NFATC2: variants seen among roughly 807,000 people sequenced by gnomAD.
NFATC2 encodes nuclear factor of activated T cells 2.
Under a neutral mutation model 87.3 loss-of-function variants are expected in NFATC2, and 22 were observed. The observed-to-expected ratio is 0.25, with a 90% CI of 0.18 to 0.36. NFATC2 has a LOEUF of 0.36. NFATC2 is among the 10% of genes least tolerant of loss of function. NFATC2 has a pLI of 1.00. For synonymous variants in NFATC2, 565 were observed against 542.2 expected (o/e 1.04, Z -0.58); for missense variants, 1,149 against 1,259.1 (o/e 0.91, Z 1.32).
At chr20:51,555,351 T>C (rs1358394911) in intron 1 of NFATC2, among the ~76,000 whole-genome samples, 2 of 152,118 alleles carry the variant, frequency 1.3e-5, no homozygotes, top group African/African-American at 4.8e-5. Flanking sequence ...CCCAGCACTT[T>C]GGGAGGCCGA....
chr20:51,460,011 T>G (rs559072349), intron 5 of NFATC2, among the ~76,000 whole-genome samples: 1 of 152,340 alleles, frequency 6.6e-6, no homozygotes. Flanking sequence ...ATGGTAAATT[T>G]TATGTGTATT....
rs2146829139 is a variant in NFATC2 at position 51,550,417 on chromosome 20, C to T, written c.70+12143G>A. Among the ~76,000 whole-genome samples the T allele has an allele frequency of 1.3e-5, 2 of 152,034 alleles. 1 individual carries two copies. The highest frequency in any genetic ancestry group is 3.9e-4 in the East Asian group (2 of 5,150). ...ACCAGCCTGGCCAATGTGGTGAAAC[C>T]CCGTCTCTACTAAAAATACAAAAAA... On this transcript the variant is annotated intron_variant, in intron 1 of 10. Transcript: ENST00000414705.
chr20:51,477,081 T>A (rs963017375), intron 3 of NFATC2, among the ~76,000 whole-genome samples: 1 of 152,108 alleles, frequency 6.6e-6, no homozygotes, highest in Admixed American at 6.5e-5. Context: ...AGGAGACACG[T>A]ACAAAAATGT....
At chr20:51,551,125 ATAACTTATAC>A (rs2076929418) in intron 1 of NFATC2, among the ~76,000 whole-genome samples, 1 of 152,262 alleles carries the variant, frequency 6.6e-6, no homozygotes, top group South Asian at 2.1e-4. Context: ...GTGTTAATAT[ATAACTTATAC>A]ACAGATGCAT....
intron 7 of NFATC2, 122 bp from the exon 8 acceptor site, chr20:51,435,436 C>T (rs952357549): frequency 7.2e-6 from 10 of 1,392,620 alleles, no homozygotes; most frequent in Non-Finnish European, 9.8e-6. Context: ...CATCGGTTTA[C>T]AGGGGAAGTT....
intron 10 of NFATC2, 93 bp from the exon 11 acceptor site, chr20:51,391,544 T>C (rs2146195790): frequency 7.6e-7 from 1 of 1,309,562 alleles, no homozygotes; most frequent in Non-Finnish European, 1.1e-6. Context: ...AGAACCTCTA[T>C]TGGGCTATTG....
rs768295354 is a variant in NFATC2, at chr20:51,474,116, G to A, written c.1572C>T (p.Ala524=). ...TCTCGCCTTTCCGCAGCTCAATGTC[G>A]GCGTTTCTAAGCTTCAAGATCCCCG... ...DCAGILKLRN[A]DIELRKGETD... The change falls in exon 5 of 11, where the codon GCC becomes GCT. Residue 524 remains alanine (A), a synonymous_variant. Transcript: ENST00000371564. 80 of 1,614,018 alleles carry A rather than the reference G, an allele frequency of 5.0e-5. No homozygotes were observed. The highest frequency in any genetic ancestry group is 2.2e-4 in the Admixed American group (13 of 59,994).
At position 51,548,310 on chromosome 20, in the gene NFATC2, C is replaced by T. The variant is rs145802466; in HGVS notation, c.70+14250G>A. 2.4e-4 allele frequency among the ~76,000 whole-genome samples: 37 copies of T among 152,274 alleles called. No individual in the cohort carries two copies. In the East Asian group the frequency reaches 4.2e-3, roughly 17 times the overall value. ...CTTCCCTGCCTGTCCTAATAAAAATCGCATCCCCCGGCATTCTCTGTCTCC... is the reference window on the plus strand; with the variant it reads ...CTTCCCTGCCTGTCCTAATAAAAATTGCATCCCCCGGCATTCTCTGTCTCC... On this transcript the variant is annotated intron_variant, in intron 1 of 10. Coordinates refer to the NFATC2 transcript ENST00000414705.
intron 3 of NFATC2, among the ~76,000 whole-genome samples, chr20:51,502,440 G>A (rs907614873): frequency 6.6e-6 from 1 of 152,134 alleles, no homozygotes; most frequent in Non-Finnish European, 1.5e-5. Context: ...TCCTTCTACT[G>A]TAACCTCCCA....
chr20:51,466,569 C>G (rs1440041774), intron 5 of NFATC2, among the ~76,000 whole-genome samples: 2 of 152,226 alleles, frequency 1.3e-5, no homozygotes, highest in East Asian at 3.9e-4. Flanking sequence ...GACCCTACCC[C>G]ACACGATACA....
In NFATC2 at chr20:51,542,566, C is replaced by G; in HGVS notation, c.-67G>C. 7.8e-7 allele frequency: 1 copy of G among 1,286,428 alleles called. No homozygotes were observed. Among genetic ancestry groups the G allele is most frequent in the Non-Finnish European group, 9.9e-7 (1 of 1,015,042 alleles). The allele number at this position is 1,286,428 out of a possible 1,614,324, so 79.7% of individuals were successfully genotyped here. ...GGGCGCGGCTGGCTCTGGGACCCCT[C>G]GCAGTGGGGCTGGCGGAGGCGGCTC... On this transcript the variant is annotated 5_prime_UTR_variant, in exon 1 of 11. Coordinates refer to ENST00000371564, the MANE Select transcript of NFATC2 (RefSeq NM_012340.5).
rs945691341 is a variant in NFATC2, at chr20:51,388,422, G to A, written c.*3074C>T. 4 of 152,112 alleles carry A rather than the reference G, an allele frequency of 2.6e-5. No homozygotes were observed. The highest frequency in any genetic ancestry group is 9.6e-5 in the African/African-American group (4 of 41,496). The allele number at this position is 152,112 out of a possible 1,614,324, so 9.4% of individuals were successfully genotyped here. A position where few individuals can be genotyped will look rare whatever the true frequency, so the allele number is the denominator to read the frequency against. On this transcript the variant is annotated 3_prime_UTR_variant, in exon 11 of 11. Coordinates refer to ENST00000371564, the MANE Select transcript of NFATC2 (RefSeq NM_012340.5). ...CCATCTTCTAGAGAGGTGACTAACA[G>A]GCTCTGAGTGGGGGTTTTATTATAT...
At chr20:51,486,261 A>G (rs1192140301) in intron 3 of NFATC2, among the ~76,000 whole-genome samples, 1 of 151,794 alleles carries the variant, frequency 6.6e-6, no homozygotes, top group Non-Finnish European at 1.5e-5. Context: ...AGCCGACAAA[A>G]CTGCATGATC....
chr20:51,468,322 A>AAAT (rs1555882768), intron 5 of NFATC2, among the ~76,000 whole-genome samples: 42 of 151,464 alleles, frequency 2.8e-4, no homozygotes, highest in South Asian at 6.3e-4. Flanking sequence ...CCTCCATAAA[A>AAAT]ATATATATAT....
intron 1 of NFATC2, among the ~76,000 whole-genome samples, chr20:51,559,421 C>T (rs887325192): frequency 5.3e-5 from 8 of 152,290 alleles, no homozygotes; most frequent in African/African-American, 2.4e-5. Context: ...GGTCCCACCT[C>T]GGTCACCTCA....
At chr20:51,401,267 G>C (rs956769519) in intron 9 of NFATC2, among the ~76,000 whole-genome samples, 2 of 152,098 alleles carry the variant, frequency 1.3e-5, no homozygotes, top group African/African-American at 4.8e-5. Flanking sequence ...CTACCTGGGA[G>C]GCGGAGGTTG....
chr20:51,482,639 A>G (rs1203656942), intron 3 of NFATC2, among the ~76,000 whole-genome samples: 1 of 152,240 alleles, frequency 6.6e-6, no homozygotes, highest in African/African-American at 2.4e-5. Flanking sequence ...TAACACATCC[A>G]TCACCTCACA....
chr20:51,393,124 C>T (rs1986563577), intron 10 of NFATC2, among the ~76,000 whole-genome samples: 1 of 152,192 alleles, frequency 6.6e-6, no homozygotes, highest in Non-Finnish European at 1.5e-5. Flanking sequence ...GAATTCCGTG[C>T]TTTGCAAACA....
intron 3 of NFATC2, among the ~76,000 whole-genome samples, chr20:51,507,673 G>C (rs1341395105): frequency 1.3e-5 from 2 of 152,176 alleles, no homozygotes; most frequent in Non-Finnish European, 2.9e-5. Flanking sequence ...CCAAACCCTA[G>C]AGCTGCCTCA....
Sources: gnomAD v4.1 joint callset for allele counts (sites outside exome capture counted in the v4.1 genomes callset) on GRCh38, gnomAD v4.1.1 for gene constraint, MANE v1.5 for transcripts, NCBI Gene and HGNC (gene_info 2026-07-23, HGNC 2026-07-21) for gene names.